Variants in KDM5A observed in about 807,000 individuals in gnomAD.
KDM5A encodes the protein lysine demethylase 5A, also known as lysine-specific demethylase 5A.
A neutral mutation model predicts 193.5 loss-of-function variants in KDM5A; 42 were observed. The observed-to-expected ratio is 0.22, with a 90% CI of 0.17 to 0.28. The LOEUF (loss-of-function observed/expected upper bound fraction) is 0.28. KDM5A is among the 10% of genes least tolerant of loss of function. KDM5A has a pLI of 1.00. For synonymous variants in KDM5A, 796 were observed against 718.1 expected (o/e 1.11, Z -1.73); for missense variants, 1,692 against 2,055.1 (o/e 0.82, Z 3.42).
intron 16 of KDM5A, 86 bp from the exon 17 acceptor site, chr12:322,653 A>AGGTTG: frequency 1.9e-6 from 2 of 1,067,316 alleles, no homozygotes; most frequent in Non-Finnish European, 2.9e-6. Context: ...CACTCAAGTG[A>AGGTTG]GTCCCCAACC....
intron 17 of KDM5A, among the ~76,000 whole-genome samples, chr12:321,369 T>A (rs1943713818): frequency 6.6e-6 from 1 of 152,254 alleles, no homozygotes; most frequent in African/African-American, 2.4e-5. Context: ...ATAGTTGGAA[T>A]ATTAAGTTCA....
At position 322,548 on chromosome 12, in the gene KDM5A, T is replaced by C. The variant is rs1565533418; in HGVS notation, c.2295A>G (p.Val765=). 3 of 1,612,754 alleles carry C rather than the reference T, an allele frequency of 1.9e-6. No individual in the cohort carries two copies. The highest frequency in any genetic ancestry group is 1.7e-4 in the Middle Eastern group (1 of 6,060). Residue 765 remains valine (V), a synonymous_variant, in exon 17 of 28, where the codon GTA becomes GTG. Coordinates refer to ENST00000399788, the MANE Select transcript of KDM5A (RefSeq NM_001042603.3). ...NHKKDLIELR[V]MLEDAEDRKY... is the part of the protein sequence containing the mutation. Reference sequence around the variant, plus strand: ...TCCTATCCTCAGCATCTTCCAGCATTACTCGCAATTCAATCAAATCTGTAA... The same window carrying C: ...TCCTATCCTCAGCATCTTCCAGCATCACTCGCAATTCAATCAAATCTGTAA...
In KDM5A at chr12:362,584, G is replaced by A. The variant is rs746552683; in HGVS notation, c.672+379C>T. 3.9e-5 allele frequency among the ~76,000 whole-genome samples: 6 copies of A among 152,208 alleles called. No homozygotes were observed. The South Asian group carries it at 6.2e-4, about 16-fold the overall frequency. ...CTATAAAATTGGCACTACAGTATCC[G>A]GGGTCACCCTCTTATTTGTCATCCC... On this transcript the variant is annotated intron_variant, in intron 5 of 27. Transcript: ENST00000399788.
Position 318,452 on chromosome 12 carries a change from C to G in KDM5A, c.2551G>C (p.Asp851His), listed in dbSNP as rs2137404331. 1 of 1,610,776 alleles carries G rather than the reference C, an allele frequency of 6.2e-7. No homozygotes were observed. Residue 851 changes from aspartate (D) to histidine (H), a missense_variant, in exon 19 of 28, where the codon GAT becomes CAT. By Grantham distance (81) the Asp-to-His change is moderately conservative (BLOSUM62 -1). Around this residue, in one of 11 missense-constraint regions of KDM5A, gnomAD observed 965 missense variants for 1,061.0 expected, o/e 0.91. Coordinates refer to ENST00000399788, the MANE Select transcript of KDM5A (RefSeq NM_001042603.3). ...CGTTCATGAAACTCTTCCACATCAT[C>G]TAGCAGATTCTGAAAAGGTCAAAAG... ...SQARQVKNLL[D>H]DVEEFHERAQ... is the part of the protein sequence containing the mutation.
rs1565519459 is a variant in KDM5A, at chr12:281,079, TGGGTGTGGG to T, written c.*4368_*4376del. On this transcript the variant is annotated 3_prime_UTR_variant, in exon 28 of 28. Coordinates refer to ENST00000399788, the MANE Select transcript of KDM5A (RefSeq NM_001042603.3). ...TAAATGACAGGGGTTAGGGTGGGTA[TGGGTGTGGG>T]GAACCTGAGCATACACACAATTTTT... The T allele has an allele frequency of 4.3e-6, 1 of 232,910 alleles. No individual in the cohort carries two copies. Among genetic ancestry groups the T allele is most frequent in the East Asian group, 6.0e-5 (1 of 16,556 alleles). The allele number at this position is 232,910 out of a possible 1,614,324, so 14.4% of individuals were successfully genotyped here. A position where few individuals can be genotyped will look rare whatever the true frequency, so the allele number is the denominator to read the frequency against.
chr12:300,212 C>T (rs777126702), intron 24 of KDM5A, among the ~76,000 whole-genome samples: 18 of 152,118 alleles, frequency 1.2e-4, no homozygotes, highest in Non-Finnish European at 2.2e-4. Flanking sequence ...CTCTCCACCC[C>T]AAATCAGCAG....
intron 2 of KDM5A, 86 bp from the exon 3 acceptor site, chr12:384,239 G>A (rs1944612480): frequency 2.0e-6 from 2 of 980,796 alleles, no homozygotes; most frequent in Non-Finnish European, 3.2e-6. Flanking sequence ...CCCAGGATGT[G>A]GACCAGTACC....
intron 3 of KDM5A, among the ~76,000 whole-genome samples, chr12:374,135 T>G (rs1191822062): frequency 1.3e-5 from 2 of 152,174 alleles, no homozygotes; most frequent in African/African-American, 2.4e-5. Flanking sequence ...CTGGATATCC[T>G]TGTTAACTTT....
At chr12:355,658 ATAT>A (rs1284624447) in intron 6 of KDM5A, among the ~76,000 whole-genome samples, 2 of 152,256 alleles carry the variant, frequency 1.3e-5, no homozygotes, top group Admixed American at 6.5e-5. Flanking sequence ...TAAAAAGGAA[ATAT>A]TATTATTACA....
chr12:309,588 A>C (rs1366585637), intron 22 of KDM5A, among the ~76,000 whole-genome samples: 1 of 152,254 alleles, frequency 6.6e-6, no homozygotes, highest in East Asian at 1.9e-4. Context: ...TAAAGAACAG[A>C]GGTATGGAAA....
chr12:294,811 C>T (rs1197914359), intron 26 of KDM5A, among the ~76,000 whole-genome samples: 1 of 152,202 alleles, frequency 6.6e-6, no homozygotes, highest in Non-Finnish European at 1.5e-5. Flanking sequence ...TTCCACCTCT[C>T]ATACTTACTT....
intron 17 of KDM5A, among the ~76,000 whole-genome samples, chr12:322,051 G>C (rs1156748313): frequency 1.3e-5 from 2 of 152,110 alleles, no homozygotes; most frequent in African/African-American, 4.8e-5. Context: ...TTTTATAAAG[G>C]CTTGTCAGAA....
intron 13 of KDM5A, among the ~76,000 whole-genome samples, chr12:330,085 G>GTGTGTGTATA (rs377271333): frequency 8.8e-4 from 123 of 139,374 alleles, no homozygotes; most frequent in East Asian, 3.7e-3. Flanking sequence ...GTGTGTGTGT[G>GTGTGTGTATA]TATATATATA....
chr12:341,847 C>T (rs1392906444), intron 10 of KDM5A, among the ~76,000 whole-genome samples: 1 of 150,944 alleles, frequency 6.6e-6, no homozygotes, highest in Non-Finnish European at 1.5e-5. Flanking sequence ...CTGCAGTGAA[C>T]CAAGATGGTG....
chr12:346,555 C>T (rs1317575655), intron 10 of KDM5A, among the ~76,000 whole-genome samples: 6 of 152,124 alleles, frequency 3.9e-5, no homozygotes, highest in African/African-American at 1.2e-4. Flanking sequence ...CGTCAAAAAG[C>T]TTATTATTCA....
intron 27 of KDM5A, chr12:286,321 T>G (rs369014138): frequency 1.6e-5 from 6 of 381,836 alleles, no homozygotes; most frequent in African/African-American, 4.3e-5. Flanking sequence ...TCTGAAAAAC[T>G]GATAGGTCAG....
At chr12:329,719 A>T (rs531700591) in intron 13 of KDM5A, among the ~76,000 whole-genome samples, 15 of 152,260 alleles carry the variant, frequency 9.9e-5, no homozygotes, top group African/African-American at 3.4e-4. Context: ...TTCATAAATG[A>T]ACAGTTACAG....
intron 10 of KDM5A, among the ~76,000 whole-genome samples, chr12:343,944 A>C (rs1216300560): frequency 1.3e-5 from 2 of 152,166 alleles, no homozygotes; most frequent in African/African-American, 4.8e-5. Context: ...AGGGTTCAGA[A>C]GGTCAGTAAA....
chr12:389,022 G>A lies in KDM5A; in HGVS notation c.70C>T (p.Pro24Ser), dbSNP rs767950449. ...GGATCTGTGAACTCCTCCCAACTCG[G>A]CTCAAAGACGGGGCACTCTGGCGGT... ...VPPPECPVFE[P>S]SWEEFTDPLS... The change falls in exon 1 of 28, where the codon CCG becomes TCG. Residue 24 changes from proline to serine, a missense_variant. Physicochemically the swap from Pro to Ser is moderately conservative, Grantham distance 74. Transcript: ENST00000399788. 1 of 1,613,260 alleles carries A rather than the reference G, an allele frequency of 6.2e-7. No individual in the cohort carries two copies. The highest frequency in any genetic ancestry group is 1.7e-5 in the Admixed American group (1 of 59,966).
Sources: allele counts gnomAD v4.1 joint callset (sites outside exome capture counted in the v4.1 genomes callset), GRCh38; gene constraint gnomAD v4.1.1; regional missense constraint gnomAD v4.1.1; transcripts MANE v1.5; gene names NCBI Gene and HGNC (gene_info 2026-07-23, HGNC 2026-07-21).